The following CACNA1A variants were observed in gnomAD, a reference collection of about 807,000 sequenced individuals.
CACNA1A encodes calcium voltage-gated channel subunit alpha1 A.
In CACNA1A, 57 loss-of-function variants were observed where a neutral mutation model predicts 262.4. That is an observed-to-expected ratio of 0.22 (90% confidence interval 0.18 to 0.27). The LOEUF is 0.27. Ranked by LOEUF, CACNA1A falls within the 10% of genes least tolerant of loss-of-function variation. The pLI is 1.00. For synonymous variants in CACNA1A, 1,431 were observed against 1,419.3 expected, an observed-to-expected ratio of 1.01 and a Z score of -0.18; for missense variants, 2,526 against 3,562.8, an observed-to-expected ratio of 0.71 and a Z score of 7.41.
Position 13,207,649 on chromosome 19 carries a change from C to T in CACNA1A, c.7185G>A (p.Pro2395=), listed in dbSNP as rs753284411. ...GACCCGGGGGCCCCTCGGACACGTG[C>T]GGGCCAGATGCCGGCCACCGGGCCC... The part of the protein sequence containing the change: ...HGGARWPASG[P]HVSEGPPGPR... The change falls in exon 47 of 47, where the codon CCG becomes CCA. Residue 2395 remains proline (P), a synonymous_variant. Transcript: ENST00000360228. This position sits in a 1 kb window ranked among gnomAD's most constrained non-coding sequence, Gnocchi z 5.7. 2.2e-5 allele frequency: 32 copies of T among 1,463,628 alleles called. No homozygotes were observed. In the South Asian group the frequency reaches 3.7e-4, roughly 17 times the overall value. 90.7% of individuals were successfully genotyped at this position (1,463,628 alleles called of 1,614,324 possible).
intron 3 of CACNA1A, among the ~76,000 whole-genome samples, chr19:13,442,583 T>G (rs2060743556): frequency 6.6e-6 from 1 of 152,212 alleles, no homozygotes; most frequent in Admixed American, 6.5e-5. Flanking sequence ...TTCCTTCAGT[T>G]CACCAACTTT....
intron 8 of CACNA1A, among the ~76,000 whole-genome samples, 171 bp from the exon 9 acceptor site, chr19:13,333,096 G>A (rs1272992174): frequency 2.0e-5 from 3 of 152,064 alleles, no homozygotes; most frequent in South Asian, 4.1e-4. Context: ...CCCCACCTCC[G>A]CAACAGTAGC....
intron 3 of CACNA1A, among the ~76,000 whole-genome samples, chr19:13,402,907 T>TATATAG (rs2059934123): frequency 2.4e-5 from 3 of 127,394 alleles, no homozygotes; most frequent in Non-Finnish European, 4.8e-5. Flanking sequence ...TATATATATA[T>TATATAG]ATATATATAC....
chr19:13,253,143 G>A, intron 29 of CACNA1A, 42 bp from the exon 30 acceptor site: 2 of 1,307,598 alleles, frequency 1.5e-6, no homozygotes, highest in Non-Finnish European at 2.2e-6. Flanking sequence ...AGCGAGCAGG[G>A]GTGGGAAGTG....
intron 6 of CACNA1A, among the ~76,000 whole-genome samples, chr19:13,336,364 G>A (rs2058564731): frequency 6.6e-6 from 1 of 152,094 alleles, no homozygotes; most frequent in Non-Finnish European, 1.5e-5. Context: ...GATGGTCCAT[G>A]AGCCCTTTCC....
At chr19:13,312,171 A>C (rs2419246) in intron 12 of CACNA1A, among the ~76,000 whole-genome samples, 44,694 of 152,118 alleles carry the variant, frequency 0.29, 7,154 homozygotes, top group East Asian at 0.48. Flanking sequence ...ACTGGGTGTT[A>C]ATCACATTTA....
chr19:13,260,988 T>C (rs77264085), intron 26 of CACNA1A: 1 of 153,608 alleles, frequency 6.5e-6, no homozygotes, highest in Non-Finnish European at 1.5e-5. Context: ...CCTGATCTGA[T>C]TGGACATGAA....
In CACNA1A at chr19:13,308,961, A is replaced by G. The variant is rs1600294137; in HGVS notation, c.1669-433T>C. 1 of 153,060 alleles carries G rather than the reference A, an allele frequency of 6.5e-6. No homozygotes were observed. 9.5% of individuals were successfully genotyped at this position (153,060 alleles called of 1,614,324 possible). A position where few individuals can be genotyped will look rare whatever the true frequency, so the allele number is the denominator to read the frequency against. On this transcript the variant is annotated intron_variant, in intron 12 of 46. Coordinates refer to ENST00000360228, the MANE Select transcript of CACNA1A (RefSeq NM_001127222.2). The surrounding 1 kb of genome is among the most constrained non-coding windows in gnomAD (Gnocchi z 4.2). ...CTCCAACTGTTGGCCTCCACTTTCC[A>G]AAGCATTGAGCCACTGCACCCGGCC... is the stretch of plus-strand genomic sequence containing the variant.
intron 1 of CACNA1A, among the ~76,000 whole-genome samples, chr19:13,461,647 C>T (rs2061126819): frequency 6.6e-6 from 1 of 152,216 alleles, no homozygotes; most frequent in Admixed American, 6.5e-5. Flanking sequence ...TCAGCCCAAC[C>T]TCAAGTCATG....
rs1489083483 is a variant in CACNA1A at position 13,283,605 on chromosome 19, T to G, written c.3693-209A>C. 3 of 548,158 alleles carry G rather than the reference T, an allele frequency of 5.5e-6. No individual in the cohort carries two copies. The African/African-American group carries it at 5.7e-5, about 10-fold the overall frequency. 34.0% of individuals were successfully genotyped at this position (548,158 alleles called of 1,614,324 possible). A position where few individuals can be genotyped will look rare whatever the true frequency, so the allele number is the denominator to read the frequency against. On this transcript the variant is annotated intron_variant, in intron 21 of 46. Transcript: ENST00000360228. ...GAGGGGACCTCGGTGAGAGAAGACA[T>G]TCACATGCCCTGTTTAGCAAAGTTC...
At chr19:13,446,429 G>T (rs555400005) in intron 3 of CACNA1A, among the ~76,000 whole-genome samples, 1 of 145,694 alleles carries the variant, frequency 6.9e-6, no homozygotes, top group South Asian at 2.2e-4. Flanking sequence ...GTGTGCGCGC[G>T]TGTTTTTTCT....
At chr19:13,317,779 A>G (rs968175623) in intron 10 of CACNA1A, among the ~76,000 whole-genome samples, 1 of 152,218 alleles carries the variant, frequency 6.6e-6, no homozygotes, top group Non-Finnish European at 1.5e-5. Flanking sequence ...TCACTGAGGA[A>G]TAAGCTGGGT....
intron 19 of CACNA1A, among the ~76,000 whole-genome samples, chr19:13,294,260 A>G (rs1261955232): frequency 6.6e-6 from 1 of 151,760 alleles, no homozygotes; most frequent in African/African-American, 2.4e-5. Flanking sequence ...AAAGGCACAG[A>G]TAATTATAAG....
chr19:13,277,286 C>T, intron 22 of CACNA1A, 158 bp from the exon 23 acceptor site: 1 of 568,970 alleles, frequency 1.8e-6, no homozygotes. Context: ...GCACAAGGGC[C>T]CCTCCCATCT....
intron 1 of CACNA1A, among the ~76,000 whole-genome samples, chr19:13,498,895 C>T (rs1982006465): frequency 2.0e-5 from 3 of 152,066 alleles, no homozygotes; most frequent in South Asian, 4.1e-4. Flanking sequence ...CAGGATAGTC[C>T]CAGGCAACCC....
intron 19 of CACNA1A, among the ~76,000 whole-genome samples, chr19:13,289,616 TA>T (rs1211231757): frequency 6.6e-6 from 1 of 152,176 alleles, no homozygotes; most frequent in Non-Finnish European, 1.5e-5. Context: ...TCCAGTGAGT[TA>T]CTTAGCCTCA....
chr19:13,220,752 A>G (rs1038143884), intron 38 of CACNA1A, among the ~76,000 whole-genome samples: 6 of 152,022 alleles, frequency 3.9e-5, no homozygotes, highest in Admixed American at 2.6e-4. Context: ...CAGCCTCCCA[A>G]GTAGTTGGGA....
At chr19:13,503,694 C>A (rs1447800241) in intron 1 of CACNA1A, among the ~76,000 whole-genome samples, 1 of 137,256 alleles carries the variant, frequency 7.3e-6, no homozygotes, top group Non-Finnish European at 1.5e-5. Context: ...TCCTGGATGA[C>A]CCAGCTCGAT....
At chr19:13,488,797 A>T (rs1980374604) in intron 1 of CACNA1A, among the ~76,000 whole-genome samples, 1 of 151,914 alleles carries the variant, frequency 6.6e-6, no homozygotes, top group South Asian at 2.1e-4. Flanking sequence ...GGTCTGGGGT[A>T]GGGGATGAGA....
Sources: allele counts gnomAD v4.1 joint callset (sites outside exome capture counted in the v4.1 genomes callset), GRCh38; gene constraint gnomAD v4.1.1; non-coding constraint Gnocchi (gnomAD v3.1); transcripts MANE v1.5; gene names NCBI Gene and HGNC (gene_info 2026-07-23, HGNC 2026-07-21).